The following PDE1C variants were observed in gnomAD, a reference collection of about 807,000 sequenced individuals.
The protein encoded by PDE1C is phosphodiesterase 1C.
Under a neutral mutation model 93.1 loss-of-function variants are expected in PDE1C, and 62 were observed. The ratio of observed to expected loss-of-function variants is 0.67; its 90% confidence interval spans 0.54 to 0.82. The LOEUF (loss-of-function observed/expected upper bound fraction) is 0.82, where lower values mean the gene tolerates loss of function less well. Among genes scored for constraint, PDE1C ranks in the 40% least tolerant of loss-of-function variants. PDE1C has a pLI of 0.00. For synonymous variants in PDE1C, 325 were observed against 310.1 expected, an observed-to-expected ratio of 1.05 and a Z score of -0.50; for missense variants, 742 against 884.6, an observed-to-expected ratio of 0.84 and a Z score of 2.04.
chr7:32,070,691 G>A, upstream of PDE1C: 2 of 1,256,426 alleles, frequency 1.6e-6, no homozygotes, highest in South Asian at 3.7e-5. Flanking sequence ...TTGGACTCCA[G>A]CTCCAAGAGA....
At chr7:31,619,797 C>T in the PDE1C span, among the ~76,000 whole-genome samples, 22 of 152,228 alleles carry the variant, frequency 1.4e-4, no homozygotes, top group Admixed American at 3.3e-4. Context: ...GCTGAAGCAG[C>T]GCGAGGCATT....
chr7:32,294,617 G>T (rs1812525217), intron 1 of PDE1C, among the ~76,000 whole-genome samples: 1 of 152,216 alleles, frequency 6.6e-6, no homozygotes, highest in Non-Finnish European at 1.5e-5. Context: ...ATCACTTTGA[G>T]GGGGAGGTGT....
intron 3 of PDE1C, among the ~76,000 whole-genome samples, chr7:32,085,446 C>T (rs1397894971): frequency 1.3e-5 from 2 of 148,920 alleles, no homozygotes; most frequent in Admixed American, 6.7e-5. Flanking sequence ...TGGTACCATT[C>T]CTTCTGAAAC....
At chr7:32,365,531 TGA>T (rs1305390650) in intron 1 of PDE1C, among the ~76,000 whole-genome samples, 1 of 152,160 alleles carries the variant, frequency 6.6e-6, no homozygotes, top group Non-Finnish European at 1.5e-5. Flanking sequence ...AACCATATCC[TGA>T]GCCTAAGAAA....
intron 2 of PDE1C, among the ~76,000 whole-genome samples, chr7:31,948,434 GC>G (rs1269006409): frequency 1.3e-5 from 2 of 152,048 alleles, no homozygotes; most frequent in African/African-American, 4.8e-5. Flanking sequence ...ATTATCTGAA[GC>G]TTAAAAAACA....
intron 16 of PDE1C, 115 bp downstream of exon 16, chr7:31,808,916 T>C: frequency 1.7e-6 from 1 of 603,706 alleles, no homozygotes; most frequent in Non-Finnish European, 3.0e-6. Flanking sequence ...GAAGGGTTTT[T>C]TTCAGGATAT....
the PDE1C span, among the ~76,000 whole-genome samples, chr7:31,691,627 G>C: frequency 2.0e-5 from 3 of 151,912 alleles, no homozygotes; most frequent in African/African-American, 4.8e-5. Flanking sequence ...TTCCAGGAAA[G>C]ATGGAGGGTG....
chr7:31,980,808 T>G (rs1347339304), intron 2 of PDE1C, among the ~76,000 whole-genome samples: 3 of 152,142 alleles, frequency 2.0e-5, no homozygotes, highest in Non-Finnish European at 1.5e-5. Context: ...CCACCCACCT[T>G]CCTGGGCTTG....
At chr7:31,693,787 G>T in the PDE1C span, among the ~76,000 whole-genome samples, 101 of 152,274 alleles carry the variant, frequency 6.6e-4, no homozygotes, top group African/African-American at 2.4e-3. Flanking sequence ...AAGAAAGAGA[G>T]AAATTTACCT....
chr7:32,164,909 T>C (rs1802139903), intron 3 of PDE1C, among the ~76,000 whole-genome samples: 3 of 152,188 alleles, frequency 2.0e-5, no homozygotes, highest in African/African-American at 7.2e-5. Flanking sequence ...GTTCAATTTA[T>C]TCTCTATTCT....
chr7:32,283,062 A>T (rs1811775525), intron 1 of PDE1C, among the ~76,000 whole-genome samples: 1 of 152,232 alleles, frequency 6.6e-6, no homozygotes, highest in Non-Finnish European at 1.5e-5. Context: ...TTTCTACTCA[A>T]CAATTCCTAA....
chr7:31,833,542 C>T (rs1418297941), intron 11 of PDE1C, among the ~76,000 whole-genome samples: 1 of 152,060 alleles, frequency 6.6e-6, no homozygotes, highest in Non-Finnish European at 1.5e-5. Context: ...CAATGACATC[C>T]AGGCTGAGGT....
intron 1 of PDE1C, among the ~76,000 whole-genome samples, chr7:32,255,855 C>A (rs543076631): frequency 1.3e-5 from 2 of 152,140 alleles, no homozygotes; most frequent in South Asian, 4.1e-4. Context: ...GATACTTGTG[C>A]AGATACAGAA....
At chr7:31,896,020 T>TACATACATACATACATACACACAC (rs1466998669) in intron 2 of PDE1C, among the ~76,000 whole-genome samples, 77 of 151,388 alleles carry the variant, frequency 5.1e-4, no homozygotes, top group African/African-American at 1.7e-3. Context: ...CATACATACA[T>TACATACATACATACATACACACAC]ACACACACAA....
intron 2 of PDE1C, among the ~76,000 whole-genome samples, chr7:32,206,387 C>CTAT (rs1335698093): frequency 6.6e-6 from 1 of 152,132 alleles, no homozygotes; most frequent in African/African-American, 2.4e-5. Context: ...AGCTGACTGT[C>CTAT]TAATAGAGAC....
intron 3 of PDE1C, among the ~76,000 whole-genome samples, chr7:32,086,208 T>C (rs59147842): frequency 0.58 from 74,687 of 128,324 alleles, 22,330 homozygotes; most frequent in African/African-American, 0.65. Flanking sequence ...TATACACCAA[T>C]AACAGACAAA....
intron 3 of PDE1C, among the ~76,000 whole-genome samples, chr7:32,103,734 CA>C (rs1418627144): frequency 6.6e-6 from 1 of 151,950 alleles, no homozygotes; most frequent in Admixed American, 6.6e-5. Context: ...GAGTCAAAAA[CA>C]AATAACAAAA....
rs796122014 is a variant in PDE1C, at chr7:32,341,173, C to CTATTTTTTTTTTTTTT, written c.310+86648_310+86649insAAAAAAAAAAAAAATA. Among the ~76,000 whole-genome samples, 246 of 84,934 alleles carry CTATTTTTTTTTTTTTT rather than the reference C, an allele frequency of 2.9e-3. 20 individuals are homozygous for CTATTTTTTTTTTTTTT. The highest frequency in any genetic ancestry group is 0.01 in the African/African-American group (235 of 23,002). 55.7% of individuals were successfully genotyped at this position (84,934 alleles called of 152,430 possible). On this transcript the variant is annotated intron_variant, in intron 1 of 1. Transcript: ENST00000672256. ...CCTAAAACTACTCTAGAAATAAAGT[C>CTATTTTTTTTTTTTTT]TTTTTTTTTTTTTTTTTTTTGAGAC...
intron 1 of PDE1C, among the ~76,000 whole-genome samples, chr7:32,232,743 A>G (rs1394516072): frequency 6.6e-6 from 1 of 152,208 alleles, no homozygotes; most frequent in Non-Finnish European, 1.5e-5. Context: ...GAACTGAGCT[A>G]ATGGATAGAC....
Sources: gnomAD v4.1 joint callset for allele counts (sites outside exome capture counted in the v4.1 genomes callset) on GRCh38, gnomAD v4.1.1 for gene constraint, MANE v1.5 for transcripts, NCBI Gene and HGNC (gene_info 2026-07-23, HGNC 2026-07-21) for gene names.